Variants in STK39 observed in about 807,000 individuals in gnomAD.
The protein encoded by STK39 is STE20/SPS1-related proline-alanine-rich protein kinase.
Under a neutral mutation model 77.8 loss-of-function variants are expected in STK39, and 20 were observed. The ratio of observed to expected loss-of-function variants is 0.26; its 90% CI spans 0.18 to 0.37. The LOEUF (loss-of-function observed/expected upper bound fraction) is 0.37, where lower values mean the gene tolerates loss of function less well. Ranked by LOEUF, STK39 falls within the 10% of genes least tolerant of loss-of-function variation. The probability of loss-of-function intolerance (pLI) is 1.00; values close to 1 mark genes in which losing one functional copy is unlikely to be tolerated. For synonymous variants in STK39, 246 were observed against 234.1 expected, an observed-to-expected ratio of 1.05 and a Z score of -0.47; for missense variants, 479 against 656.5, an observed-to-expected ratio of 0.73 and a Z score of 2.95.
intron 1 of STK39, among the ~76,000 whole-genome samples, chr2:168,243,623 CAGA>C (rs1197701892): frequency 6.6e-6 from 1 of 152,102 alleles, no homozygotes; most frequent in Admixed American, 6.5e-5. Context: ...TAGGGTTTCT[CAGA>C]AGAAATTCAG....
At chr2:168,239,940 T>A (rs781769378) in intron 1 of STK39, among the ~76,000 whole-genome samples, 6 of 152,250 alleles carry the variant, frequency 3.9e-5, no homozygotes, top group Non-Finnish European at 7.3e-5. Context: ...AGAGGCCCAG[T>A]CAGGGTGCTG....
At chr2:168,011,633 C>A (rs1445116747) in intron 16 of STK39, among the ~76,000 whole-genome samples, 1 of 152,172 alleles carries the variant, frequency 6.6e-6, no homozygotes, top group Non-Finnish European at 1.5e-5. Flanking sequence ...CCTCTTAGAG[C>A]TTTTCTGCCT....
chr2:168,005,314 G>T (rs143697529), intron 16 of STK39, among the ~76,000 whole-genome samples: 125 of 151,964 alleles, frequency 8.2e-4, no homozygotes, highest in African/African-American at 2.8e-3. Context: ...CCAGAAGGCT[G>T]TTGAGACAAA....
chr2:168,099,110 A>C (rs1686751823), intron 10 of STK39, among the ~76,000 whole-genome samples: 1 of 152,224 alleles, frequency 6.6e-6, no homozygotes, highest in Admixed American at 6.5e-5. Context: ...AAGCCTTGAG[A>C]AGCCACCAGT....
At chr2:168,043,976 T>C (rs1685173842) in intron 14 of STK39, among the ~76,000 whole-genome samples, 1 of 152,226 alleles carries the variant, frequency 6.6e-6, no homozygotes, top group Non-Finnish European at 1.5e-5. Flanking sequence ...TATTGAGGAT[T>C]TAGCTAGAGG....
At position 168,033,916 on chromosome 2, in the gene STK39, G is replaced by A. The variant is rs116210539; in HGVS notation, c.1377-16821C>T. On this transcript the variant is annotated intron_variant, in intron 14 of 17. Coordinates refer to ENST00000355999, the MANE Select transcript of STK39 (RefSeq NM_013233.3). The stretch of plus-strand genomic sequence containing the variant: ...TTCATGGCATAACTATGAGGAGAAG[G>A]CATGGACAGTGCCTTCTGCAAGCAC... 2.4e-3 allele frequency among the ~76,000 whole-genome samples: 363 copies of A among 152,284 alleles called. 4 individuals are homozygous for A. The highest frequency in any genetic ancestry group is 8.5e-3 in the African/African-American group (352 of 41,566).
intron 10 of STK39, among the ~76,000 whole-genome samples, chr2:168,119,550 G>A (rs4668022): frequency 0.99 from 151,393 of 152,318 alleles, 75,242 homozygotes; most frequent in Middle Eastern, 1. Context: ...CAGTAAAGTA[G>A]CACCCTAATT....
chr2:168,105,009 G>GA (rs1367582759), intron 10 of STK39, among the ~76,000 whole-genome samples: 2 of 151,968 alleles, frequency 1.3e-5, no homozygotes, highest in African/African-American at 2.4e-5. Context: ...ATAATCAGTG[G>GA]AAAAAAAGCA....
At chr2:168,151,497 G>A (rs1688281015) in intron 5 of STK39, among the ~76,000 whole-genome samples, 1 of 152,126 alleles carries the variant, frequency 6.6e-6, no homozygotes, top group Non-Finnish European at 1.5e-5. Context: ...AGCATTTTGG[G>A]AGGCCGAGGC....
At chr2:168,066,289 C>A (rs1214505483) in intron 12 of STK39, among the ~76,000 whole-genome samples, 3 of 152,108 alleles carry the variant, frequency 2.0e-5, no homozygotes, top group African/African-American at 7.2e-5. Flanking sequence ...TTAAGATAGA[C>A]TGAAGGATGA....
intron 10 of STK39, among the ~76,000 whole-genome samples, chr2:168,078,585 C>G (rs531016006): frequency 6.6e-6 from 1 of 152,268 alleles, no homozygotes; most frequent in South Asian, 2.1e-4. Flanking sequence ...ATATGAAGAA[C>G]CACCAGGTAA....
In STK39 at chr2:168,192,610, A is replaced by G. The variant is rs1041185974; in HGVS notation, c.209-10520T>C. On this transcript the variant is annotated intron_variant, in intron 1 of 17. Coordinates refer to ENST00000355999, the MANE Select transcript of STK39 (RefSeq NM_013233.3). ...AGCCCCAAGCTATGTGACCTTGGGC[A>G]AGCTGCCTGTGTGCTTTGTGCTGCA... 2.0e-5 allele frequency among the ~76,000 whole-genome samples: 3 copies of G among 152,344 alleles called. No homozygotes were observed. In the East Asian group the frequency reaches 5.8e-4, roughly 29 times the overall value.
intron 16 of STK39, among the ~76,000 whole-genome samples, chr2:167,993,182 G>A (rs1683745615): frequency 6.6e-6 from 1 of 152,206 alleles, no homozygotes; most frequent in Non-Finnish European, 1.5e-5. Flanking sequence ...TTTAATGGGA[G>A]TACTATAGAG....
At chr2:168,086,846 G>A (rs562560386) in intron 10 of STK39, among the ~76,000 whole-genome samples, 1 of 152,198 alleles carries the variant, frequency 6.6e-6, no homozygotes, top group East Asian at 1.9e-4. Context: ...TGAGGAGGCA[G>A]CACAAAGCAC....
intron 16 of STK39, among the ~76,000 whole-genome samples, chr2:167,985,899 T>C (rs373575578): frequency 5.3e-5 from 8 of 152,208 alleles, no homozygotes; most frequent in African/African-American, 1.7e-4. Context: ...AGACTGGCTG[T>C]TGTAATGGGC....
At chr2:168,220,655 G>A (rs1172479400) in intron 1 of STK39, among the ~76,000 whole-genome samples, 1 of 152,092 alleles carries the variant, frequency 6.6e-6, no homozygotes, top group Non-Finnish European at 1.5e-5. Context: ...ATTGCATCAA[G>A]AAAAATATTC....
chr2:168,236,930 G>A (rs375122960), intron 1 of STK39, among the ~76,000 whole-genome samples: 6 of 151,938 alleles, frequency 3.9e-5, no homozygotes, highest in South Asian at 2.1e-4. Context: ...TTGGCAATGC[G>A]GGCTTTTTGG....
intron 16 of STK39, among the ~76,000 whole-genome samples, chr2:167,978,556 A>G (rs1683338609): frequency 6.6e-6 from 1 of 152,166 alleles, no homozygotes; most frequent in African/African-American, 2.4e-5. Flanking sequence ...ATACTTCCTA[A>G]CATCTTTTCT....
At chr2:167,999,145 C>T (rs1033238474) in intron 16 of STK39, among the ~76,000 whole-genome samples, 6 of 152,206 alleles carry the variant, frequency 3.9e-5, no homozygotes, top group Admixed American at 6.5e-5. Flanking sequence ...TCTGGCCATA[C>T]TGGTCAGCTT....
Sources: gnomAD v4.1 joint callset for allele counts (sites outside exome capture counted in the v4.1 genomes callset) on GRCh38, gnomAD v4.1.1 for gene constraint, MANE v1.5 for transcripts, NCBI Gene and HGNC (gene_info 2026-07-23, HGNC 2026-07-21) for gene names.